MIS18A: variants seen among roughly 807,000 people sequenced by gnomAD.
MIS18A encodes MIS18 kinetochore protein A.
MIS18A carries 14 observed loss-of-function variants against 25.0 expected under a neutral mutation model. The ratio of observed to expected loss-of-function variants is 0.56; its 90% CI spans 0.37 to 0.88. The LOEUF is 0.88. MIS18A is among the 40% of genes least tolerant of loss of function. The pLI is 0.00. For synonymous variants in MIS18A, 134 were observed against 118.6 expected, an observed-to-expected ratio of 1.13 and a Z score of -0.84; for missense variants, 292 against 290.8, an observed-to-expected ratio of 1.00 and a Z score of -0.03.
chr21:32,164,843 T>C, the MIS18A span, among the ~76,000 whole-genome samples: 8 of 152,204 alleles, frequency 5.3e-5, no homozygotes, highest in Non-Finnish European at 8.8e-5. Context: ...GTTACTGTTA[T>C]GGTACTGGCA....
At chr21:32,253,803 A>G in the MIS18A span, among the ~76,000 whole-genome samples, 1 of 152,198 alleles carries the variant, frequency 6.6e-6, no homozygotes, top group Non-Finnish European at 1.5e-5. Context: ...CAAGCACCAC[A>G]GCTTCCAAAT....
At chr21:32,169,057 C>T in the MIS18A span, among the ~76,000 whole-genome samples, 1 of 152,112 alleles carries the variant, frequency 6.6e-6, no homozygotes, top group African/African-American at 2.4e-5. Context: ...TAACCAAAGG[C>T]TAACCAATAT....
the MIS18A span, among the ~76,000 whole-genome samples, chr21:32,229,936 T>C: frequency 2.6e-5 from 4 of 152,344 alleles, no homozygotes; most frequent in Admixed American, 2.0e-4. Context: ...GGTTCTACTG[T>C]GTCTTTCAAC....
At chr21:32,210,735 C>T in the MIS18A span, among the ~76,000 whole-genome samples, 1 of 152,106 alleles carries the variant, frequency 6.6e-6, no homozygotes, top group East Asian at 1.9e-4. Context: ...TAGTGTAACC[C>T]ACTCATTGTT....
At chr21:32,259,207 C>T in the MIS18A span, among the ~76,000 whole-genome samples, 3 of 152,212 alleles carry the variant, frequency 2.0e-5, no homozygotes, top group South Asian at 4.1e-4. Context: ...TCAGGCAATG[C>T]CCACCCTGAG....
the MIS18A span, among the ~76,000 whole-genome samples, chr21:32,168,272 T>C: frequency 1.3e-5 from 2 of 152,320 alleles, no homozygotes; most frequent in Admixed American, 6.5e-5. Context: ...CCACTCAGTT[T>C]GTGATATTCT....
At chr21:32,265,139 C>T (rs1026888926), downstream of MIS18A, among the ~76,000 whole-genome samples, 5 of 152,158 alleles carry the variant, frequency 3.3e-5, no homozygotes, top group African/African-American at 4.8e-5. Flanking sequence ...CTGGGACATC[C>T]GCCTCCTGCT....
At chr21:32,157,245 G>GTTTTTTT in the MIS18A span, among the ~76,000 whole-genome samples, 6 of 25,864 alleles carry the variant, frequency 2.3e-4, no homozygotes, top group Non-Finnish European at 2.7e-4. Flanking sequence ...TTTTTTGGTA[G>GTTTTTTT]TTTTAGTAGA....
chr21:32,252,672 C>T, the MIS18A span, among the ~76,000 whole-genome samples: 1 of 152,318 alleles, frequency 6.6e-6, no homozygotes, highest in Non-Finnish European at 1.5e-5. Flanking sequence ...TGACCCCCTA[C>T]CACACTGAGT....
chr21:32,254,526 G>A, the MIS18A span, among the ~76,000 whole-genome samples: 2 of 151,148 alleles, frequency 1.3e-5, no homozygotes, highest in South Asian at 4.2e-4. Context: ...AGTGAAACTC[G>A]GTCTCAAAAA....
the MIS18A span, among the ~76,000 whole-genome samples, chr21:32,154,961 G>C: frequency 6.6e-6 from 1 of 152,156 alleles, no homozygotes; most frequent in Non-Finnish European, 1.5e-5. Flanking sequence ...TCTATGTGTT[G>C]AGCTGCTGTG....
At chr21:32,249,404 C>T in the MIS18A span, among the ~76,000 whole-genome samples, 1 of 152,132 alleles carries the variant, frequency 6.6e-6, no homozygotes, top group Non-Finnish European at 1.5e-5. Flanking sequence ...GTGAGCATGC[C>T]GCGCAGGCAC....
the MIS18A span, among the ~76,000 whole-genome samples, chr21:32,231,488 G>A: frequency 4.6e-5 from 7 of 152,094 alleles, no homozygotes; most frequent in South Asian, 2.1e-4. Flanking sequence ...ACCACAATGC[G>A]ATATCACGTC....
chr21:32,268,929 A>ATTT lies in MIS18A; in HGVS notation c.*105_*107dup, dbSNP rs57672040. 4.4e-5 allele frequency: 32 copies of ATTT among 732,444 alleles called. No individual in the cohort carries two copies. Among genetic ancestry groups the ATTT allele is most frequent in the Middle Eastern group, 3.0e-4 (1 of 3,376 alleles). The allele number at this position is 732,444 out of a possible 1,614,324, so 45.4% of individuals were successfully genotyped here. On this transcript the variant is annotated 3_prime_UTR_variant, in exon 5 of 5. Coordinates refer to ENST00000290130, the MANE Select transcript of MIS18A (RefSeq NM_018944.3). The stretch of plus-strand genomic sequence containing the variant: ...CCTCAGCGTTTCGCATGCCTGGCTA[A>ATTT]TTTTTTTTTTCTTTTTTTTTTTGTA...
the MIS18A span, among the ~76,000 whole-genome samples, chr21:32,241,449 C>T: frequency 6.6e-6 from 1 of 151,824 alleles, no homozygotes; most frequent in African/African-American, 2.4e-5. Context: ...TAAGTGTCAT[C>T]GTTCTTATGA....
chr21:32,182,474 C>T, the MIS18A span, among the ~76,000 whole-genome samples: 1,116 of 152,280 alleles, frequency 7.3e-3, 20 homozygotes, highest in African/African-American at 0.025. Context: ...TAAAACTGTA[C>T]GGAAAGCAGG....
the MIS18A span, among the ~76,000 whole-genome samples, chr21:32,246,663 C>T: frequency 4.6e-5 from 7 of 152,110 alleles, no homozygotes; most frequent in African/African-American, 7.2e-5. Flanking sequence ...TTATCTTATC[C>T]GACTCTTGTC....
the MIS18A span, among the ~76,000 whole-genome samples, chr21:32,247,007 G>T: frequency 6.6e-6 from 1 of 152,080 alleles, no homozygotes; most frequent in Non-Finnish European, 1.5e-5. Context: ...CAACCCAAAC[G>T]CAGATTATGG....
chr21:32,265,411 GC>G (rs770204321), downstream of MIS18A, among the ~76,000 whole-genome samples: 1 of 152,222 alleles, frequency 6.6e-6, no homozygotes, highest in African/African-American at 2.4e-5. Context: ...GGCTTAGTGG[GC>G]CCCGCACTTG....
Sources: allele counts gnomAD v4.1 joint callset (sites outside exome capture counted in the v4.1 genomes callset), GRCh38; gene constraint gnomAD v4.1.1; transcripts MANE v1.5; gene names NCBI Gene and HGNC (gene_info 2026-07-23, HGNC 2026-07-21).